The following CEP128 variants were observed in gnomAD, a reference collection of about 807,000 sequenced individuals.
The protein encoded by CEP128 is centrosomal protein 128.
CEP128 carries 132 observed loss-of-function variants against 156.7 expected under a neutral mutation model. The observed-to-expected ratio is 0.84, with a 90% CI of 0.73 to 0.97. CEP128 has a LOEUF of 0.97. Ranked by LOEUF, CEP128 falls within the 50% of genes least tolerant of loss-of-function variation. CEP128 has a pLI of 0.00. For missense variants in CEP128, 1,252 were observed against 1,281.9 expected, an observed-to-expected ratio of 0.98 and a Z score of 0.36; for synonymous variants, 469 against 448.9, an observed-to-expected ratio of 1.04 and a Z score of -0.57.
At chr14:80,664,404 C>A (rs1294975073) in intron 19 of CEP128, among the ~76,000 whole-genome samples, 1 of 151,712 alleles carries the variant, frequency 6.6e-6, no homozygotes, top group Non-Finnish European at 1.5e-5. Flanking sequence ...AGTGAGCAAG[C>A]TGAGAAAGAG....
chr14:80,518,721 C>G (rs183047366), intron 23 of CEP128, among the ~76,000 whole-genome samples: 1 of 152,166 alleles, frequency 6.6e-6, no homozygotes, highest in Non-Finnish European at 1.5e-5. Flanking sequence ...GATTCAACCA[C>G]TCACATTTAT....
chr14:80,544,245 A>G (rs934808586), intron 21 of CEP128, among the ~76,000 whole-genome samples: 27 of 152,172 alleles, frequency 1.8e-4, no homozygotes, highest in Non-Finnish European at 2.9e-5. Context: ...CATTAAATTG[A>G]AAACTCTTAA....
intron 19 of CEP128, among the ~76,000 whole-genome samples, chr14:80,580,711 T>A (rs1287198075): frequency 6.6e-6 from 1 of 152,144 alleles, no homozygotes; most frequent in African/African-American, 2.4e-5. Flanking sequence ...TCTGTAATCA[T>A]ACCAATATTT....
chr14:80,800,702 T>C (rs1396977541), intron 13 of CEP128, among the ~76,000 whole-genome samples: 4 of 152,092 alleles, frequency 2.6e-5, no homozygotes, highest in South Asian at 2.1e-4. Context: ...CAGGATAAGG[T>C]TGACTTGTGT....
chr14:80,592,761 G>A (rs1892135110), intron 19 of CEP128, among the ~76,000 whole-genome samples: 1 of 152,126 alleles, frequency 6.6e-6, no homozygotes, highest in African/African-American at 2.4e-5. Flanking sequence ...AATAAATACT[G>A]GCAAACCGAA....
intron 8 of CEP128, among the ~76,000 whole-genome samples, chr14:80,866,299 A>G (rs1212947707): frequency 6.6e-6 from 1 of 152,130 alleles, no homozygotes; most frequent in Admixed American, 6.5e-5. Flanking sequence ...CTCCAAGCCT[A>G]TCCCTAAGAA....
chr14:80,797,798 G>A (rs1272720442), intron 13 of CEP128, among the ~76,000 whole-genome samples: 2 of 151,982 alleles, frequency 1.3e-5, no homozygotes, highest in Non-Finnish European at 2.9e-5. Context: ...TGCTTTCAGG[G>A]TATTTATAGT....
intron 13 of CEP128, chr14:80,822,660 C>T (rs1223846875): frequency 1.1e-5 from 8 of 759,044 alleles, no homozygotes; most frequent in Non-Finnish European, 1.9e-5. Context: ...AAGGCCCCTG[C>T]AAAGAAGGGA....
intron 19 of CEP128, among the ~76,000 whole-genome samples, chr14:80,679,437 T>A (rs533074107): frequency 6.6e-6 from 1 of 152,218 alleles, no homozygotes; most frequent in South Asian, 2.1e-4. Flanking sequence ...AAACAGCTGC[T>A]CTGGGAGTGA....
At chr14:80,604,865 G>T (rs1320096144) in intron 19 of CEP128, among the ~76,000 whole-genome samples, 2 of 151,908 alleles carry the variant, frequency 1.3e-5, no homozygotes. Flanking sequence ...TTATCTTCTG[G>T]CAAAAGTCAG....
chr14:80,708,169 C>T (rs1016130193), intron 19 of CEP128, among the ~76,000 whole-genome samples: 4 of 151,954 alleles, frequency 2.6e-5, no homozygotes, highest in South Asian at 2.1e-4. Flanking sequence ...AAGATAGTGC[C>T]GCATAAGAAG....
chr14:80,561,606 T>C (rs1302619140), intron 20 of CEP128, among the ~76,000 whole-genome samples: 1 of 152,210 alleles, frequency 6.6e-6, no homozygotes, highest in Non-Finnish European at 1.5e-5. Context: ...AAGTTTTCCC[T>C]ATACCATGGG....
chr14:80,676,824 T>C (rs1276189118), intron 19 of CEP128, among the ~76,000 whole-genome samples: 1 of 152,214 alleles, frequency 6.6e-6, no homozygotes, highest in African/African-American at 2.4e-5. Context: ...ATGTGGTAAA[T>C]AACATCAGTT....
intron 8 of CEP128, among the ~76,000 whole-genome samples, chr14:80,885,393 G>C (rs1888747952): frequency 6.6e-6 from 1 of 152,174 alleles, no homozygotes; most frequent in African/African-American, 2.4e-5. Flanking sequence ...CTGGCATCAG[G>C]TGGGTATCCC....
At position 80,647,599 on chromosome 14, in the gene CEP128, T is replaced by C. The variant is rs1894719415; in HGVS notation, c.2807-67176A>G. ...TAATCTAACTTTTGAGACCTACTGTTGCAATGGTCTCCAACAGGGGAGATT... is the reference window on the plus strand; with the variant it reads ...TAATCTAACTTTTGAGACCTACTGTCGCAATGGTCTCCAACAGGGGAGATT... On this transcript the variant is annotated intron_variant, in intron 19 of 24. Coordinates refer to ENST00000555265, the MANE Select transcript of CEP128 (RefSeq NM_152446.5). 1.3e-5 allele frequency among the ~76,000 whole-genome samples: 2 copies of C among 152,060 alleles called. 1 individual carries two copies. The highest frequency in any genetic ancestry group is 4.1e-4 in the South Asian group (2 of 4,824).
chr14:80,692,809 T>C (rs778949382), intron 19 of CEP128, among the ~76,000 whole-genome samples: 7 of 152,210 alleles, frequency 4.6e-5, no homozygotes, highest in Admixed American at 3.3e-4. Flanking sequence ...CACTCTGCAC[T>C]GGTTTTCCTT....
intron 2 of CEP128, among the ~76,000 whole-genome samples, chr14:80,929,648 A>T (rs372970967): frequency 1.8e-4 from 27 of 152,302 alleles, no homozygotes; most frequent in Middle Eastern, 3.4e-3. Context: ...TCTCACTTAC[A>T]AGTGGGAGCT....
intron 19 of CEP128, among the ~76,000 whole-genome samples, chr14:80,726,954 T>G (rs1003206743): frequency 6.6e-6 from 1 of 152,126 alleles, no homozygotes; most frequent in African/African-American, 2.4e-5. Flanking sequence ...AGAAAACTGA[T>G]CTGAGAAAAG....
chr14:80,793,658 T>A (rs118169274), intron 13 of CEP128, among the ~76,000 whole-genome samples: 25 of 152,310 alleles, frequency 1.6e-4, no homozygotes, highest in Non-Finnish European at 3.4e-4. Flanking sequence ...CATAATATTA[T>A]ACATTGAAGC....
Sources: gnomAD v4.1 joint callset for allele counts (sites outside exome capture counted in the v4.1 genomes callset) on GRCh38, gnomAD v4.1.1 for gene constraint, MANE v1.5 for transcripts, NCBI Gene and HGNC (gene_info 2026-07-23, HGNC 2026-07-21) for gene names.